The following PCDH11X variants were observed in gnomAD, a reference collection of about 807,000 sequenced individuals.
PCDH11X encodes the protein protocadherin 11 X-linked.
PCDH11X carries 18 observed loss-of-function variants against 53.3 expected under a neutral mutation model. That is an observed-to-expected ratio of 0.34 (90% confidence interval 0.23 to 0.50). PCDH11X has a LOEUF of 0.50. Among genes scored for constraint, PCDH11X ranks in the 20% least tolerant of loss-of-function variants. The probability of loss-of-function intolerance (pLI) is 0.98; values close to 1 mark genes in which losing one functional copy is unlikely to be tolerated. For synonymous variants in PCDH11X, 279 were observed against 393.3 expected, an observed-to-expected ratio of 0.71 and a Z score of 3.44; for missense variants, 570 against 1,032.4, an observed-to-expected ratio of 0.55 and a Z score of 6.14.
At chrX:92,138,291 A>G (rs902343021) in intron 6 of PCDH11X, among the ~76,000 whole-genome samples, 5 of 110,525 alleles carry the variant, frequency 4.5e-5, no homozygotes, top group African/African-American at 9.8e-5. Context: ...TGTCTTTGCT[A>G]TTGTGAATAG....
chrX:92,017,120 A>G (rs1206409219), intron 6 of PCDH11X, among the ~76,000 whole-genome samples: 5 of 102,072 alleles, frequency 4.9e-5, no homozygotes, highest in South Asian at 4.9e-4. Flanking sequence ...TTTTCATTTT[A>G]TATGAGCAAG....
intron 6 of PCDH11X, among the ~76,000 whole-genome samples, chrX:91,960,782 G>C (rs1233493120): frequency 2.1e-4 from 23 of 110,812 alleles, no homozygotes; most frequent in Non-Finnish European, 3.4e-4. Context: ...AGTGGTGTAG[G>C]GGTGCACTTT....
intron 8 of PCDH11X, among the ~76,000 whole-genome samples, chrX:92,352,948 T>C (rs75749303): frequency 0.25 from 26,882 of 108,726 alleles, 2,891 homozygotes; most frequent in Non-Finnish European, 0.33. Context: ...CCTGAAGTAG[T>C]TCTTGGAACA....
At chrX:92,363,752 TACAG>T (rs2070398368) in intron 8 of PCDH11X, among the ~76,000 whole-genome samples, 1 of 111,497 alleles carries the variant, frequency 9.0e-6, no homozygotes, top group Admixed American at 9.5e-5. Flanking sequence ...AGGGAAATCT[TACAG>T]ACAGTCACCA....
intron 9 of PCDH11X, among the ~76,000 whole-genome samples, chrX:92,442,156 G>A (rs2755048): frequency 1.8e-5 from 2 of 111,510 alleles, no homozygotes; most frequent in Non-Finnish European, 3.8e-5. Context: ...AGGAAGTAAC[G>A]AACTTGCTTT....
At chrX:92,534,276 A>G (rs955188600) in intron 10 of PCDH11X, among the ~76,000 whole-genome samples, 2 of 111,564 alleles carry the variant, frequency 1.8e-5, no homozygotes, top group Non-Finnish European at 3.8e-5. Context: ...TCAGTAGCCA[A>G]TTCGATCAAG....
intron 8 of PCDH11X, among the ~76,000 whole-genome samples, chrX:92,264,925 TAGAG>T (rs1313695169): frequency 6.1e-5 from 6 of 97,711 alleles, no homozygotes; most frequent in South Asian, 5.0e-4. Flanking sequence ...TGGACAGACA[TAGAG>T]AGAGACTTTG....
intron 6 of PCDH11X, among the ~76,000 whole-genome samples, chrX:92,088,279 G>A (rs1222792748): frequency 9.0e-6 from 1 of 110,728 alleles, no homozygotes; most frequent in East Asian, 2.8e-4. Flanking sequence ...AATAGCTGTA[G>A]CAGTTTATTC....
At chrX:91,823,337 G>T (rs915805618) in intron 4 of PCDH11X, among the ~76,000 whole-genome samples, 46 of 110,680 alleles carry the variant, frequency 4.2e-4, no homozygotes, top group Middle Eastern at 4.7e-3. Context: ...CTCAGGACTT[G>T]CTTTATGAAT....
chrX:92,348,146 T>G (rs1314337626), intron 8 of PCDH11X, among the ~76,000 whole-genome samples: 3 of 111,638 alleles, frequency 2.7e-5, no homozygotes, highest in Non-Finnish European at 5.6e-5. Flanking sequence ...TTCCTAAAGC[T>G]GAAGCAAAAC....
intron 6 of PCDH11X, among the ~76,000 whole-genome samples, chrX:92,091,540 G>A (rs2064048407): frequency 9.0e-6 from 1 of 111,512 alleles, no homozygotes; most frequent in Admixed American, 9.6e-5. Context: ...GCCCAAGGTG[G>A]TCGGGGCACA....
At chrX:91,949,965 T>A (rs929762699) in intron 6 of PCDH11X, among the ~76,000 whole-genome samples, 1 of 108,860 alleles carries the variant, frequency 9.2e-6, no homozygotes, top group Non-Finnish European at 1.9e-5. Flanking sequence ...GATGGGCCAA[T>A]AATAAGAGCG....
At position 92,550,020 on chromosome X, in the gene PCDH11X, T is replaced by A. The variant is rs190728961; in HGVS notation, c.3368-68244T>A. ...ATTGTAAACTAGAGTAATCCTACAG[T>A]GCTATAGAATGCTAGAACTTAATCT... is the stretch of plus-strand genomic sequence containing the variant. On this transcript the variant is annotated intron_variant, in intron 10 of 10. Transcript: ENST00000682573. Among the ~76,000 whole-genome samples the A allele has an allele frequency of 3.3e-4, 36 of 110,595 alleles. No individual in the cohort carries two copies. In the Admixed American group the frequency reaches 3.3e-3, roughly 10 times the overall value.
intron 1 of PCDH11X, among the ~76,000 whole-genome samples, chrX:91,799,298 T>TA (rs1247800442): frequency 2.7e-5 from 3 of 111,793 alleles, no homozygotes; most frequent in Non-Finnish European, 5.6e-5. Context: ...CTTCAATTAA[T>TA]AATAAATCAC....
intron 10 of PCDH11X, among the ~76,000 whole-genome samples, chrX:92,499,290 G>A (rs1227725045): frequency 1.1e-4 from 10 of 88,419 alleles, no homozygotes; most frequent in African/African-American, 3.9e-4. Context: ...TTAGATTTAT[G>A]TTTCTTTATG....
At chrX:91,788,825 C>A (rs1342700255) in intron 1 of PCDH11X, among the ~76,000 whole-genome samples, 2 of 112,085 alleles carry the variant, frequency 1.8e-5, no homozygotes, top group Non-Finnish European at 3.8e-5. Flanking sequence ...CTGATTTTCT[C>A]TTCAGTGTGA....
At chrX:91,808,427 G>A (rs763377032) in intron 1 of PCDH11X, among the ~76,000 whole-genome samples, 6 of 109,119 alleles carry the variant, frequency 5.5e-5, no homozygotes, top group African/African-American at 1.3e-4. Context: ...CCCGGGAGAC[G>A]GAGGTTGCAG....
At chrX:92,263,284 A>G in intron 8 of PCDH11X, 141 bp downstream of exon 8, 1 of 481,578 alleles carries the variant, frequency 2.1e-6, no homozygotes. Flanking sequence ...AAGAGAGTCA[A>G]GCTGAGCTGT....
chrX:92,440,375 GT>G (rs1459588002), intron 9 of PCDH11X, among the ~76,000 whole-genome samples: 1 of 108,748 alleles, frequency 9.2e-6, no homozygotes, highest in Non-Finnish European at 1.9e-5. Flanking sequence ...AGTGCCCAAT[GT>G]TTAGCTCTCA....
Sources: gnomAD v4.1 joint callset for allele counts (sites outside exome capture counted in the v4.1 genomes callset) on GRCh38, gnomAD v4.1.1 for gene constraint, MANE v1.5 for transcripts, NCBI Gene and HGNC (gene_info 2026-07-23, HGNC 2026-07-21) for gene names.